The following SGIP1 variants were observed in gnomAD, a reference collection of about 807,000 sequenced individuals.
SGIP1 encodes SH3-containing GRB2-like protein 3-interacting protein 1.
A neutral mutation model predicts 107.5 loss-of-function variants in SGIP1; 38 were observed. The ratio of observed to expected loss-of-function variants is 0.35; its 90% CI spans 0.27 to 0.46. The LOEUF (loss-of-function observed/expected upper bound fraction) is 0.46, where lower values mean the gene tolerates loss of function less well. Ranked by LOEUF, SGIP1 falls within the 20% of genes least tolerant of loss-of-function variation. SGIP1 has a pLI of 1.00. For synonymous variants in SGIP1, 365 were observed against 366.1 expected, an observed-to-expected ratio of 1.00 and a Z score of 0.03; for missense variants, 929 against 1,019.5, an observed-to-expected ratio of 0.91 and a Z score of 1.21.
At chr1:66,582,593 T>C (rs1475630289) in intron 1 of SGIP1, among the ~76,000 whole-genome samples, 1 of 151,864 alleles carries the variant, frequency 6.6e-6, no homozygotes. Context: ...CAGTTTCCAG[T>C]CAAAGATGTA....
chr1:66,642,769 G>A, intron 5 of SGIP1, 41 bp from the exon 6 acceptor site: 7 of 1,540,800 alleles, frequency 4.5e-6, no homozygotes, highest in Non-Finnish European at 5.3e-6. Flanking sequence ...CTTGATCACT[G>A]TTAGGATAAT....
chr1:66,541,076 A>G (rs1015576150), intron 1 of SGIP1, among the ~76,000 whole-genome samples: 9 of 152,174 alleles, frequency 5.9e-5, no homozygotes, highest in African/African-American at 2.2e-4. Context: ...ATTTTTCTCT[A>G]TGTTGTTTAT....
At chr1:66,651,675 C>T (rs947458813) in intron 7 of SGIP1, among the ~76,000 whole-genome samples, 3 of 152,200 alleles carry the variant, frequency 2.0e-5, no homozygotes, top group African/African-American at 7.2e-5. Flanking sequence ...GAAGACCATC[C>T]AGTCTTCTAT....
At chr1:66,540,484 T>A (rs1231807618) in intron 1 of SGIP1, among the ~76,000 whole-genome samples, 1 of 152,222 alleles carries the variant, frequency 6.6e-6, no homozygotes, top group Non-Finnish European at 1.5e-5. Flanking sequence ...CTTCCTGGGT[T>A]CTCATTCCTT....
intron 1 of SGIP1, among the ~76,000 whole-genome samples, chr1:66,565,643 T>C (rs541677856): frequency 6.6e-6 from 1 of 152,068 alleles, no homozygotes; most frequent in Admixed American, 6.6e-5. Context: ...GAAAAGACTT[T>C]CTGAAATTTG....
At chr1:66,613,296 G>A (rs997116540) in intron 1 of SGIP1, among the ~76,000 whole-genome samples, 8 of 151,880 alleles carry the variant, frequency 5.3e-5, no homozygotes, top group African/African-American at 1.7e-4. Context: ...TACTTTCAAC[G>A]ACTGCCCATT....
chr1:66,706,033 A>T (rs2092474824), intron 18 of SGIP1, among the ~76,000 whole-genome samples: 1 of 152,168 alleles, frequency 6.6e-6, no homozygotes, highest in Admixed American at 6.6e-5. Flanking sequence ...AACTTAGAGT[A>T]AAATTTAAAA....
intron 15 of SGIP1, among the ~76,000 whole-genome samples, chr1:66,685,161 G>A (rs1557621280): frequency 6.6e-6 from 1 of 152,286 alleles, no homozygotes; most frequent in South Asian, 2.1e-4. Context: ...ATAACATTAG[G>A]CCTGATTAAA....
At chr1:66,667,037 C>T (rs925436230) in intron 8 of SGIP1, 3 of 152,832 alleles carry the variant, frequency 2.0e-5, no homozygotes, top group African/African-American at 7.2e-5. Flanking sequence ...AAAATCCAGA[C>T]AAGGAAAAGG....
chr1:66,691,322 C>A (rs1365054984), intron 17 of SGIP1, among the ~76,000 whole-genome samples: 2 of 152,154 alleles, frequency 1.3e-5, no homozygotes, highest in Non-Finnish European at 2.9e-5. Context: ...GCCTGAAGCT[C>A]TTCTGGAGAA....
intron 2 of SGIP1, among the ~76,000 whole-genome samples, chr1:66,630,072 T>C (rs1287473878): frequency 6.6e-6 from 1 of 152,140 alleles, no homozygotes; most frequent in Non-Finnish European, 1.5e-5. Flanking sequence ...CCGGTGCCCT[T>C]AGCCACCATG....
intron 12 of SGIP1, among the ~76,000 whole-genome samples, chr1:66,675,220 G>A (rs1303164685): frequency 1.3e-5 from 2 of 152,182 alleles, no homozygotes; most frequent in Admixed American, 6.5e-5. Flanking sequence ...TCATAGCTGT[G>A]TTCCACATGG....
intron 1 of SGIP1, among the ~76,000 whole-genome samples, chr1:66,578,051 C>T (rs2061323971): frequency 6.6e-6 from 1 of 152,056 alleles, no homozygotes; most frequent in Admixed American, 6.6e-5. Context: ...AAAAAATTTA[C>T]CTCTTGCAGA....
intron 18 of SGIP1, among the ~76,000 whole-genome samples, chr1:66,700,848 T>C (rs1009957468): frequency 6.6e-6 from 1 of 152,202 alleles, no homozygotes; most frequent in Non-Finnish European, 1.5e-5. Context: ...GTCCTCACGT[T>C]CTTCCTGTTC....
chr1:66,672,188 G>A (rs1263386025), intron 11 of SGIP1, among the ~76,000 whole-genome samples, 193 bp downstream of exon 11: 8 of 152,160 alleles, frequency 5.3e-5, no homozygotes, highest in Non-Finnish European at 8.8e-5. Context: ...GAGACCTTTA[G>A]GGAAATATTC....
Position 66,695,621 on chromosome 1 carries a change from C to T in SGIP1, c.1630+128C>T, listed in dbSNP as rs2090758262. The T allele has an allele frequency of 7.3e-6, 6 of 821,400 alleles. No individual in the cohort carries two copies. In the South Asian group the frequency reaches 1.3e-4, roughly 18 times the overall value. 50.9% of individuals were successfully genotyped at this position (821,400 alleles called of 1,614,324 possible). On this transcript the variant is annotated intron_variant, in intron 18 of 24. Transcript: ENST00000371037. The stretch of plus-strand genomic sequence containing the variant: ...CACTTTCTATATGAAAATGCTATGG[C>T]TACTTAGAAAATATTAAACACTAAA...
intron 1 of SGIP1, among the ~76,000 whole-genome samples, chr1:66,564,547 ATAGT>A (rs2059394372): frequency 6.6e-6 from 1 of 151,962 alleles, no homozygotes; most frequent in Non-Finnish European, 1.5e-5. Context: ...GATTCTTGAG[ATAGT>A]TAGGATGTCT....
chr1:66,546,307 G>T (rs1191733665), intron 1 of SGIP1, among the ~76,000 whole-genome samples: 1 of 152,168 alleles, frequency 6.6e-6, no homozygotes, highest in East Asian at 1.9e-4. Context: ...TCTCACATAT[G>T]TCTGCCTGAC....
At chr1:66,585,088 T>C (rs2062402997) in intron 1 of SGIP1, among the ~76,000 whole-genome samples, 1 of 152,210 alleles carries the variant, frequency 6.6e-6, no homozygotes, top group Non-Finnish European at 1.5e-5. Context: ...ATTATCATAA[T>C]TATTTCTTCC....
Sources: allele counts gnomAD v4.1 joint callset (sites outside exome capture counted in the v4.1 genomes callset), GRCh38; gene constraint gnomAD v4.1.1; transcripts MANE v1.5; gene names NCBI Gene and HGNC (gene_info 2026-07-23, HGNC 2026-07-21).